The following SYCE1 variants were observed in gnomAD, a reference collection of about 807,000 sequenced individuals.
The protein encoded by SYCE1 is cancer/testis antigen 76.
A neutral mutation model predicts 55.1 loss-of-function variants in SYCE1; 37 were observed. That is an observed-to-expected ratio of 0.67 (90% confidence interval 0.52 to 0.88). The LOEUF (loss-of-function observed/expected upper bound fraction) is 0.88. Ranked by LOEUF, SYCE1 falls within the 40% of genes least tolerant of loss-of-function variation. The pLI is 0.00. For synonymous variants in SYCE1, 163 were observed against 159.4 expected, an observed-to-expected ratio of 1.02 and a Z score of -0.17; for missense variants, 399 against 416.4, an observed-to-expected ratio of 0.96 and a Z score of 0.36.
chr10:133,564,830 A>G (rs73389008), intron 1 of SYCE1, among the ~76,000 whole-genome samples: 1 of 152,186 alleles, frequency 6.6e-6, no homozygotes, highest in Non-Finnish European at 1.5e-5. Flanking sequence ...CAGTGTCCTG[A>G]AGTGGAAACG....
Position 133,556,739 on chromosome 10 carries a change from A to G in SYCE1, c.528+20T>C. 1.9e-6 allele frequency: 3 copies of G among 1,555,610 alleles called. No homozygotes were observed. The highest frequency in any genetic ancestry group is 2.6e-6 in the Non-Finnish European group (3 of 1,149,292). On this transcript the variant is annotated intron_variant, in intron 8 of 12. Coordinates refer to ENST00000343131, the MANE Select transcript of SYCE1 (RefSeq NM_001143764.3). ...CTAGGGAAGATGTGGAAGGGGGAGG[A>G]GTGGCTTTGAGGGACTCACGTGGAA...
At position 133,558,881 on chromosome 10, in the gene SYCE1, G is replaced by A; in HGVS notation, c.267C>T (p.Asp89=). 6.2e-7 allele frequency: 1 copy of A among 1,613,700 alleles called. No homozygotes were observed. Among genetic ancestry groups the A allele is most frequent in the Non-Finnish European group, 8.5e-7 (1 of 1,179,914 alleles). ...TICEALQKEL[D]SLHGEKVHLK... The stretch of plus-strand genomic sequence containing the variant: ...GGTGACCCCCGGCTCTCTTACGCGA[G>A]TCCAGTTCCTTCTGCAGGGCCTCAC... Residue 89 remains aspartate, a synonymous_variant, in exon 4 of 13, where the codon GAC becomes GAT. Transcript: ENST00000343131.
chr10:133,558,641 T>C, intron 4 of SYCE1: 2 of 555,754 alleles, frequency 3.6e-6, no homozygotes, highest in South Asian at 4.6e-5. Flanking sequence ...GAGGAACCTG[T>C]ATTATCTGAG....
At chr10:133,554,733 C>A, downstream of SYCE1, 1 of 994,862 alleles carries the variant, frequency 1.0e-6, no homozygotes. Flanking sequence ...TGTGTGTATG[C>A]AGGTGGGTTC....
upstream of SYCE1, among the ~76,000 whole-genome samples, chr10:133,566,258 A>G (rs1005296915): frequency 1.3e-4 from 19 of 151,866 alleles, no homozygotes; most frequent in African/African-American, 4.6e-4. Flanking sequence ...GCCGCGATGC[A>G]TCGCGACTGG....
At position 133,555,030 on chromosome 10, in the gene SYCE1, TAAG is replaced by T. The variant is rs773171317; in HGVS notation, c.1015_1017del (p.Leu339del). 2.3e-5 allele frequency: 36 copies of T among 1,551,268 alleles called. No individual in the cohort carries two copies. Among genetic ancestry groups the T allele is most frequent in the Middle Eastern group, 1.7e-4 (1 of 5,956 alleles). ...TTTATTTCCTGAAAGCCCCTTGGGCTAAGGTCGGGGTGGAGTGTGTCCTCCTGG... is the reference window on the plus strand; with the variant it reads ...TTTATTTCCTGAAAGCCCCTTGGGCTGTCGGGGTGGAGTGTGTCCTCCTGG... On this transcript the variant is annotated inframe_deletion, in exon 13 of 13. Transcript: ENST00000343131.
Position 133,559,284 on chromosome 10 carries a change from A to C in SYCE1, c.196+17T>G, listed in dbSNP as rs768013861. On this transcript the variant is annotated intron_variant, in intron 3 of 12. Coordinates refer to ENST00000343131, the MANE Select transcript of SYCE1 (RefSeq NM_001143764.3). Reference sequence around the variant, plus strand: ...ATGCAGCTGGTCCTAGCTGGCAGCCAAGGCCCCTGAACTCACCTTGCTGGA... The same window carrying C: ...ATGCAGCTGGTCCTAGCTGGCAGCCCAGGCCCCTGAACTCACCTTGCTGGA... 1 of 1,613,952 alleles carries C rather than the reference A, an allele frequency of 6.2e-7. No individual in the cohort carries two copies.
chr10:133,567,521 C>T (rs531950807), upstream of SYCE1, among the ~76,000 whole-genome samples: 1 of 151,978 alleles, frequency 6.6e-6, no homozygotes. Flanking sequence ...TGTTCCTGGG[C>T]TGTGAGATCC....
At chr10:133,555,525 A>G in intron 11 of SYCE1, 72 bp downstream of exon 11, 1 of 1,607,188 alleles carries the variant, frequency 6.2e-7, no homozygotes, top group Non-Finnish European at 8.5e-7. Flanking sequence ...GAGAGACAGA[A>G]GGTGGAGAGA....
At chr10:133,568,050 G>A (rs1039174170), upstream of SYCE1, 1 of 630,784 alleles carries the variant, frequency 1.6e-6, no homozygotes, top group East Asian at 3.1e-5. Flanking sequence ...CTGGGGGACG[G>A]TGCGGCCCGG....
At chr10:133,557,661 C>T in intron 6 of SYCE1, 1 of 607,506 alleles carries the variant, frequency 1.6e-6, no homozygotes, top group South Asian at 2.1e-5. Context: ...GACAATTTAG[C>T]AAATGAATGT....
At chr10:133,557,753 G>A in intron 6 of SYCE1, 111 bp downstream of exon 6, 5 of 1,281,458 alleles carry the variant, frequency 3.9e-6, no homozygotes, top group Non-Finnish European at 5.6e-6. Context: ...ACTCTCCATT[G>A]TTTAGAGGGA....
chr10:133,555,525 A>C, intron 11 of SYCE1, 72 bp downstream of exon 11: 1 of 1,607,188 alleles, frequency 6.2e-7, no homozygotes, highest in Middle Eastern at 1.7e-4. Context: ...GAGAGACAGA[A>C]GGTGGAGAGA....
At chr10:133,557,363 T>C (rs8181432) in intron 6 of SYCE1, 63,274 of 583,858 alleles carry the variant, frequency 0.11, 4,197 homozygotes, top group East Asian at 0.26. Flanking sequence ...TGGACATGGT[T>C]AAGTGAGCAA....
chr10:133,554,662 G>A (rs1231924466), downstream of SYCE1: 3 of 731,408 alleles, frequency 4.1e-6, no homozygotes, highest in Non-Finnish European at 7.3e-6. Flanking sequence ...TAATTTCAGG[G>A]AGTCTGTGTA....
chr10:133,563,225 T>C (rs1460909997), intron 1 of SYCE1, among the ~76,000 whole-genome samples: 1 of 152,230 alleles, frequency 6.6e-6, no homozygotes, highest in Non-Finnish European at 1.5e-5. Context: ...TCTAAGACTA[T>C]GTCCTAAGTA....
chr10:133,568,085 A>G (rs1178663879), upstream of SYCE1: 3 of 697,030 alleles, frequency 4.3e-6, no homozygotes, highest in African/African-American at 3.5e-5. Context: ...CACCGAGCCC[A>G]GCCAGGCCTA....
At chr10:133,567,877 G>A, upstream of SYCE1, 1 of 480,942 alleles carries the variant, frequency 2.1e-6, no homozygotes, top group Non-Finnish European at 4.1e-6. Flanking sequence ...TCCTCTAGGT[G>A]GGAGGTGGGA....
At chr10:133,565,789 GC>G (rs1173110251), upstream of SYCE1, among the ~76,000 whole-genome samples, 1 of 152,256 alleles carries the variant, frequency 6.6e-6, no homozygotes, top group East Asian at 1.9e-4. Flanking sequence ...GCTGCCGGGT[GC>G]CCCCGCGCAT....
Sources: gnomAD v4.1 joint callset for allele counts (sites outside exome capture counted in the v4.1 genomes callset) on GRCh38, gnomAD v4.1.1 for gene constraint, MANE v1.5 for transcripts, NCBI Gene and HGNC (gene_info 2026-07-23, HGNC 2026-07-21) for gene names.